CCDC88C: variants seen among roughly 807,000 people sequenced by gnomAD.
The protein encoded by CCDC88C is protein Daple.
Under a neutral mutation model 198.8 loss-of-function variants are expected in CCDC88C, and 131 were observed. That is an observed-to-expected ratio of 0.66 (90% CI 0.57 to 0.76). The LOEUF (loss-of-function observed/expected upper bound fraction) is 0.76. Ranked by LOEUF, CCDC88C falls within the 30% of genes least tolerant of loss-of-function variation. CCDC88C has a pLI of 0.00. For synonymous variants in CCDC88C, 1,166 were observed against 1,114.7 expected (o/e 1.05, Z -0.92); for missense variants, 2,553 against 2,631.6 (o/e 0.97, Z 0.65).
intron 20 of CCDC88C, among the ~76,000 whole-genome samples, chr14:91,303,460 T>G (rs1450312040): frequency 1.2e-5 from 1 of 81,830 alleles, no homozygotes; most frequent in Non-Finnish European, 2.4e-5. Flanking sequence ...GCTCCACCTC[T>G]CTCCCCAGGC....
chr14:91,314,742 G>A (rs1892018215), intron 14 of CCDC88C, among the ~76,000 whole-genome samples: 2 of 152,234 alleles, frequency 1.3e-5, no homozygotes, highest in South Asian at 4.1e-4. Context: ...CTTCCTGGCT[G>A]TGAGCAACAT....
At chr14:91,275,430 G>C (rs909164733) in intron 29 of CCDC88C, among the ~76,000 whole-genome samples, 1 of 151,736 alleles carries the variant, frequency 6.6e-6, no homozygotes, top group Non-Finnish European at 1.5e-5. Context: ...CCAGCTGTGG[G>C]CCCCCCCAAT....
intron 4 of CCDC88C, among the ~76,000 whole-genome samples, chr14:91,344,809 T>C (rs1457197927): frequency 6.6e-6 from 1 of 151,712 alleles, no homozygotes; most frequent in Non-Finnish European, 1.5e-5. Context: ...CCTTTTTTTT[T>C]TTTCTGATAC....
Position 91,300,011 on chromosome 14 carries a change from G to C in CCDC88C, c.3695C>G (p.Thr1232Ser), listed in dbSNP as rs1891198379. The C allele has an allele frequency of 6.2e-7, 1 of 1,603,374 alleles. No homozygotes were observed. The highest frequency in any genetic ancestry group is 1.3e-5 in the African/African-American group (1 of 74,804). The stretch of plus-strand genomic sequence containing the variant: ...CTCCTGCTGCAGCGCCTCTCGCTCA[G>C]TGGTCAAGACCTTCTCCCGCTCCTC... ...ELEEREKVLTTEREALQQEQR... is the reference protein window; with the variant it reads ...ELEEREKVLTSEREALQQEQR... Residue 1232 changes from threonine (T) to serine (S), a missense_variant, in exon 21 of 30, where the codon ACT (threonine) becomes AGT (serine). By Grantham distance (58) the Thr-to-Ser change is moderately conservative. Transcript: ENST00000389857.
At chr14:91,366,153 T>TACACACACACAC (rs57281083) in intron 3 of CCDC88C, among the ~76,000 whole-genome samples, 86 of 136,464 alleles carry the variant, frequency 6.3e-4, no homozygotes, top group East Asian at 3.0e-3. Context: ...ACTTAAAAAA[T>TACACACACACAC]ACACACACAC....
chr14:91,360,252 T>A (rs1596111154), intron 3 of CCDC88C, among the ~76,000 whole-genome samples: 1 of 144,196 alleles, frequency 6.9e-6, no homozygotes, highest in Non-Finnish European at 1.5e-5. Flanking sequence ...GACCCCATCT[T>A]CACACACACA....
At chr14:91,361,379 G>C (rs932852362) in intron 3 of CCDC88C, among the ~76,000 whole-genome samples, 3 of 152,172 alleles carry the variant, frequency 2.0e-5, no homozygotes, top group Non-Finnish European at 4.4e-5. Context: ...CAACCCACAT[G>C]GCCCGAGTGC....
rs374343958 is a variant in CCDC88C at position 91,306,617 on chromosome 14, A to C, written c.3195+421T>G. 4.0e-4 allele frequency among the ~76,000 whole-genome samples: 61 copies of C among 152,368 alleles called. 4 individuals carry two copies. Among genetic ancestry groups the C allele is most frequent in the African/African-American group, 1.4e-3 (58 of 41,584 alleles). On this transcript the variant is annotated intron_variant, in intron 18 of 29. Coordinates refer to ENST00000389857, the MANE Select transcript of CCDC88C (RefSeq NM_001080414.4). ...TTCTAGAAAGGGCCAGATAGGAAATACTTTTGGGTTTGCCAGCCATGGGGT... is the reference window on the plus strand; with the variant it reads ...TTCTAGAAAGGGCCAGATAGGAAATCCTTTTGGGTTTGCCAGCCATGGGGT...
chr14:91,305,818 C>T lies in CCDC88C; in HGVS notation c.3304G>A (p.Ala1102Thr), dbSNP rs1259227524. Residue 1102 changes from alanine (A) to threonine (T), a missense_variant, in exon 19 of 30, where the codon GCC becomes ACC. Around this residue, in one of 2 missense-constraint regions of CCDC88C, gnomAD observed 1,260 missense variants for 1,412.0 expected, o/e 0.89. Coordinates refer to ENST00000389857, the MANE Select transcript of CCDC88C (RefSeq NM_001080414.4). The stretch of plus-strand genomic sequence containing the variant: ...GTGGTGTTGTGCTCCTGCAGGAAGG[C>T]GCTCTGTTTCTGCAGTGTCAAGATC... ...SQILTLQKQSAFLQEHNTTLQ... is the reference protein window; with the variant it reads ...SQILTLQKQSTFLQEHNTTLQ... 1.7e-5 allele frequency: 27 copies of T among 1,613,688 alleles called. No homozygotes were observed. The highest frequency in any genetic ancestry group is 2.0e-5 in the Non-Finnish European group (24 of 1,179,744).
At chr14:91,298,587 C>T (rs1891129614) in intron 21 of CCDC88C, among the ~76,000 whole-genome samples, 2 of 152,056 alleles carry the variant, frequency 1.3e-5, no homozygotes. Context: ...ACATCAATAC[C>T]CAAACATTCA....
Position 91,303,798 on chromosome 14 carries a change from GCT to G in CCDC88C, c.3536_3537del (p.Glu1179AlafsTer36). On this transcript the variant is annotated frameshift_variant, in exon 20 of 30. Transcript: ENST00000389857. LOFTEE classifies it high-confidence loss of function. ...AGGGCCTCGTACTCGGCCGATTGCC[GCT>G]CGTGCAGCGTGCCCAGGTGCTCGTG... ...QDHEHLGTLH[E>X]RQSAEYEALI... The G allele has an allele frequency of 2.5e-6, 4 of 1,613,324 alleles. No homozygotes were observed. The Admixed American group carries it at 5.0e-5, about 20-fold the overall frequency.
rs759468630 is a variant in CCDC88C at position 91,272,445 on chromosome 14, G to A, written c.*180C>T. ...GAAAACACGTTACACACCTGGAAGC[G>A]TAATCCTCTTGGGGCTTGGCACAGT... On this transcript the variant is annotated 3_prime_UTR_variant, in exon 30 of 30. Coordinates refer to ENST00000389857, the MANE Select transcript of CCDC88C (RefSeq NM_001080414.4). 70 of 630,614 alleles carry A rather than the reference G, an allele frequency of 1.1e-4. No homozygotes were observed. Among genetic ancestry groups the A allele is most frequent in the Non-Finnish European group, 1.6e-4 (59 of 373,272 alleles). The allele number at this position is 630,614 out of a possible 1,614,324, so 39.1% of individuals were successfully genotyped here. A position where few individuals can be genotyped will look rare whatever the true frequency, so the allele number is the denominator to read the frequency against.
intron 10 of CCDC88C, among the ~76,000 whole-genome samples, chr14:91,327,147 A>T (rs977075999): frequency 1.3e-5 from 2 of 152,146 alleles, no homozygotes; most frequent in Admixed American, 6.5e-5. Flanking sequence ...CACGCCAGGA[A>T]CGTGTACGCT....
Position 91,305,931 on chromosome 14 carries a change from A to C in CCDC88C, c.3196-5T>G, listed in dbSNP as rs1168257748. 1.9e-6 allele frequency: 3 copies of C among 1,612,242 alleles called. No homozygotes were observed. In the Admixed American group the frequency reaches 5.0e-5, roughly 27 times the overall value. On this transcript the variant is annotated splice_polypyrimidine_tract_variant and splice_region_variant and intron_variant, in intron 18 of 29. Transcript: ENST00000389857. ...CTCAGCCTGCAGAGCTGCATTCTAG[A>C]AGATCGGGAGGCATGAGCGAATCAA...
Position 91,343,690 on chromosome 14 carries a change from T to C in CCDC88C, c.341-33A>G, listed in dbSNP as rs575362797. ...AAGAGAGCAACACATTTAACTCAGC[T>C]CAACTGCTGATATAATTTCAGTGAC... On this transcript the variant is annotated intron_variant, in intron 4 of 29. Coordinates refer to ENST00000389857, the MANE Select transcript of CCDC88C (RefSeq NM_001080414.4). The C allele has an allele frequency of 5.0e-6, 8 of 1,612,016 alleles. No individual in the cohort carries two copies. The East Asian group carries it at 1.8e-4, about 36-fold the overall frequency.
At chr14:91,326,503 G>A (rs889586804) in intron 10 of CCDC88C, among the ~76,000 whole-genome samples, 2 of 152,182 alleles carry the variant, frequency 1.3e-5, no homozygotes, top group Non-Finnish European at 2.9e-5. Flanking sequence ...ATGAGCCACT[G>A]TGCCCAGCCC....
chr14:91,324,603 G>A (rs565207131), intron 12 of CCDC88C, among the ~76,000 whole-genome samples, 176 bp downstream of exon 12: 4 of 152,236 alleles, frequency 2.6e-5, no homozygotes, highest in African/African-American at 7.2e-5. Context: ...CAGACCCCTC[G>A]TGTCTTCCCT....
At chr14:91,275,491 T>C (rs1889916416) in intron 29 of CCDC88C, among the ~76,000 whole-genome samples, 4 of 152,076 alleles carry the variant, frequency 2.6e-5, no homozygotes, top group Admixed American at 2.6e-4. Context: ...TTTTTTTTTT[T>C]TTTGGAGACA....
chr14:91,360,903 C>T (rs1894276877), intron 3 of CCDC88C, among the ~76,000 whole-genome samples: 1 of 152,060 alleles, frequency 6.6e-6, no homozygotes, highest in Non-Finnish European at 1.5e-5. Flanking sequence ...GTAATCCCAG[C>T]ACTTTGAGAG....
Sources: gnomAD v4.1 joint callset for allele counts (sites outside exome capture counted in the v4.1 genomes callset) on GRCh38, gnomAD v4.1.1 for gene constraint, gnomAD v4.1.1 regional missense constraint, MANE v1.5 for transcripts, NCBI Gene and HGNC (gene_info 2026-07-23, HGNC 2026-07-21) for gene names.